Variants in PARVG observed in about 807,000 individuals in gnomAD.
PARVG encodes the protein gamma-parvin.
PARVG carries 36 observed loss-of-function variants against 44.4 expected under a neutral mutation model. The observed-to-expected ratio is 0.81, with a 90% CI of 0.62 to 1.07. The LOEUF is 1.07. Among genes scored for constraint, PARVG ranks in the 50% least tolerant of loss-of-function variants. The probability of loss-of-function intolerance (pLI) is 0.00; values close to 1 mark genes in which losing one functional copy is unlikely to be tolerated. For missense variants in PARVG, 407 were observed against 407.4 expected (o/e 1.00, Z 0.01); for synonymous variants, 170 against 174.1 (o/e 0.98, Z 0.19).
At chr22:44,193,284 C>T (rs1240438193) in intron 8 of PARVG, among the ~76,000 whole-genome samples, 1 of 152,002 alleles carries the variant, frequency 6.6e-6, no homozygotes, top group Non-Finnish European at 1.5e-5. Flanking sequence ...GAAGCCAGAC[C>T]CAAAAGAGGA....
chr22:44,188,970 TG>T, intron 5 of PARVG, 143 bp from the exon 6 acceptor site: 1 of 1,042,698 alleles, frequency 9.6e-7, no homozygotes, highest in Non-Finnish European at 1.4e-6. Context: ...GCTGTGAGTG[TG>T]GCCCACGGTC....
In PARVG at chr22:44,208,169, A is replaced by C. The variant is rs1234933482; in HGVS notation, c.*1743A>C. ...CTCTGCCTGGCTGTTCCACGTCCTCACTCTTGTTCTATTTGACAGCAATTA... is the reference window on the plus strand; with the variant it reads ...CTCTGCCTGGCTGTTCCACGTCCTCCCTCTTGTTCTATTTGACAGCAATTA... On this transcript the variant is annotated 3_prime_UTR_variant, in exon 14 of 14. Transcript: ENST00000444313. 4.0e-5 allele frequency: 6 copies of C among 151,668 alleles called. No homozygotes were observed. Among genetic ancestry groups the C allele is most frequent in the African/African-American group, 1.5e-4 (6 of 41,196 alleles). 9.4% of individuals were successfully genotyped at this position (151,668 alleles called of 1,614,324 possible). A position where few individuals can be genotyped will look rare whatever the true frequency, so the allele number is the denominator to read the frequency against.
intron 11 of PARVG, among the ~76,000 whole-genome samples, 197 bp downstream of exon 11, chr22:44,196,612 T>G (rs139145): frequency 0.54 from 82,318 of 151,298 alleles, 22,358 homozygotes; most frequent in Admixed American, 0.64. Flanking sequence ...ATCCCGGGGG[T>G]GGAGGTGTGG....
At chr22:44,202,550 T>A (rs1411609331) in intron 12 of PARVG, among the ~76,000 whole-genome samples, 3 of 152,238 alleles carry the variant, frequency 2.0e-5, no homozygotes, top group African/African-American at 7.2e-5. Flanking sequence ...TACTTCTGAA[T>A]ATGAGTCAGA....
intron 12 of PARVG, among the ~76,000 whole-genome samples, chr22:44,198,974 CCAT>C (rs2054666127): frequency 7.0e-6 from 1 of 143,504 alleles, no homozygotes; most frequent in African/African-American, 2.6e-5. Flanking sequence ...ATCCATCCAT[CCAT>C]CCATCCATCC....
Position 44,180,958 on chromosome 22 carries a change from C to A in PARVG, c.-416C>A. The A allele has an allele frequency of 1.0e-6, 1 of 985,262 alleles. No individual in the cohort carries two copies. Among genetic ancestry groups the A allele is most frequent in the Non-Finnish European group, 1.2e-6 (1 of 829,814 alleles). The allele number at this position is 985,262 out of a possible 1,614,324, so 61.0% of individuals were successfully genotyped here. A position where few individuals can be genotyped will look rare whatever the true frequency, so the allele number is the denominator to read the frequency against. On this transcript the variant is annotated 5_prime_UTR_variant, in exon 1 of 14. Coordinates refer to ENST00000444313, the MANE Select transcript of PARVG (RefSeq NM_022141.7). ...AGACCAGCTCGGGTCTGAAGTGTTTCTCTATCTACTGTGCTGAGATCTCTC... is the reference window on the plus strand; with the variant it reads ...AGACCAGCTCGGGTCTGAAGTGTTTATCTATCTACTGTGCTGAGATCTCTC...
Position 44,205,929 on chromosome 22 carries a change from A to T in PARVG, c.886+100A>T, listed in dbSNP as rs917920276. 7 of 1,358,840 alleles carry T rather than the reference A, an allele frequency of 5.2e-6. No individual in the cohort carries two copies. In the Admixed American group the frequency reaches 7.9e-5, roughly 15 times the overall value. 84.2% of individuals were successfully genotyped at this position (1,358,840 alleles called of 1,614,324 possible). A position where few individuals can be genotyped will look rare whatever the true frequency, so the allele number is the denominator to read the frequency against. The stretch of plus-strand genomic sequence containing the variant: ...GCAGGGCATTGGGGGATGAGCACGC[A>T]TTGGCAGAGTCCTCTTGCCTGGCAG... On this transcript the variant is annotated intron_variant, in intron 13 of 13. Transcript: ENST00000444313.
chr22:44,192,261 A>G (rs910475308), intron 8 of PARVG, 157 bp downstream of exon 8: 2 of 765,804 alleles, frequency 2.6e-6, no homozygotes, highest in African/African-American at 3.5e-5. Context: ...TGACCTCTCA[A>G]TCCCACGGCA....
At chr22:44,183,194 CT>C (rs1420792284) in intron 2 of PARVG, 123 bp from the exon 3 acceptor site, 10 of 827,888 alleles carry the variant, frequency 1.2e-5, no homozygotes, top group Non-Finnish European at 1.8e-5. Flanking sequence ...GGCTGGCATG[CT>C]GACGTGTCCC....
At chr22:44,196,552 C>G in intron 11 of PARVG, 137 bp downstream of exon 11, 2 of 1,030,952 alleles carry the variant, frequency 1.9e-6, no homozygotes, top group Non-Finnish European at 2.9e-6. Context: ...TCCCCCTCCC[C>G]GGTGGGACTG....
intron 6 of PARVG, among the ~76,000 whole-genome samples, chr22:44,189,995 T>C (rs1267590017): frequency 6.6e-6 from 1 of 151,958 alleles, no homozygotes; most frequent in African/African-American, 2.4e-5. Flanking sequence ...TTGGTATAGA[T>C]TTCCTTCCCT....
intron 5 of PARVG, 93 bp downstream of exon 5, chr22:44,187,971 C>A: frequency 7.8e-7 from 1 of 1,277,286 alleles, no homozygotes; most frequent in Non-Finnish European, 1.1e-6. Flanking sequence ...TCCTTCAGTC[C>A]CCACAATGGT....
At chr22:44,179,083 A>G (rs577847618), upstream of PARVG, among the ~76,000 whole-genome samples, 3 of 152,014 alleles carry the variant, frequency 2.0e-5, no homozygotes, top group Non-Finnish European at 4.4e-5. The surrounding 1 kb of genome is among the most constrained non-coding windows in gnomAD (Gnocchi z 4.2). Context: ...ACAGTTCAGT[A>G]GTGTTTGGCA....
At chr22:44,183,516 C>T (rs914884567) in intron 3 of PARVG, 108 bp downstream of exon 3, 18 of 1,069,622 alleles carry the variant, frequency 1.7e-5, no homozygotes, top group Non-Finnish European at 2.2e-5. Flanking sequence ...AGCTGAGCGC[C>T]CAATTCTGCT....
intron 5 of PARVG, chr22:44,188,468 T>C (rs1313150455): frequency 1.2e-5 from 2 of 162,040 alleles, no homozygotes; most frequent in African/African-American, 2.4e-5. Flanking sequence ...AGGCCACAGA[T>C]AGGCCCAATT....
intron 8 of PARVG, among the ~76,000 whole-genome samples, chr22:44,192,424 T>C (rs910444459): frequency 8.5e-5 from 13 of 152,226 alleles, no homozygotes; most frequent in African/African-American, 3.1e-4. Context: ...CCTCTTTCCT[T>C]GCAAAGCTGT....
chr22:44,173,330 A>G, intron 1 of PARVG: 1 of 720,636 alleles, frequency 1.4e-6, no homozygotes, highest in Non-Finnish European at 1.9e-6. Context: ...TGGGCCTTGC[A>G]TGCTGACCAG....
rs575185766 is a variant in PARVG at position 44,181,076 on chromosome 22, C to T, written c.-298C>T. On this transcript the variant is annotated 5_prime_UTR_variant, in exon 1 of 14. Transcript: ENST00000444313. ...CTTCCACTGCAAACTCCTATGCAGC[C>T]GTCAAGGCCCCATTCTCCTCTGGAA... 2.2e-5 allele frequency: 16 copies of T among 744,072 alleles called. No individual in the cohort carries two copies. The highest frequency in any genetic ancestry group is 1.5e-4 in the African/African-American group (8 of 52,628). 46.1% of individuals were successfully genotyped at this position (744,072 alleles called of 1,614,324 possible). A position where few individuals can be genotyped will look rare whatever the true frequency, so the allele number is the denominator to read the frequency against.
At chr22:44,187,222 TC>T (rs2054484765) in intron 4 of PARVG, 1 of 173,134 alleles carries the variant, frequency 5.8e-6, no homozygotes, top group African/African-American at 2.4e-5. Context: ...CTGGAGGCTC[TC>T]AGGGGACCCC....
Sources: gnomAD v4.1 joint callset for allele counts (sites outside exome capture counted in the v4.1 genomes callset) on GRCh38, gnomAD v4.1.1 for gene constraint, Gnocchi (gnomAD v3.1) non-coding constraint, MANE v1.5 for transcripts, NCBI Gene and HGNC (gene_info 2026-07-23, HGNC 2026-07-21) for gene names.